Variants in RUFY1 observed in about 807,000 individuals in gnomAD.
The protein encoded by RUFY1 is RUN and FYVE domain containing 1, also known as RUN and FYVE domain-containing protein 1.
A neutral mutation model predicts 94.6 loss-of-function variants in RUFY1; 54 were observed. The ratio of observed to expected loss-of-function variants is 0.57; its 90% CI spans 0.46 to 0.72. The LOEUF is 0.72. Among genes scored for constraint, RUFY1 ranks in the 30% least tolerant of loss-of-function variants. The pLI is 0.00. For synonymous variants in RUFY1, 396 were observed against 347.3 expected, an observed-to-expected ratio of 1.14 and a Z score of -1.56; for missense variants, 883 against 883.9, an observed-to-expected ratio of 1.00 and a Z score of 0.01.
At chr5:179,609,280 C>G in intron 17 of RUFY1, 96 bp from the exon 18 acceptor site, 1 of 1,319,292 alleles carries the variant, frequency 7.6e-7, no homozygotes, top group Non-Finnish European at 1.1e-6. Flanking sequence ...AGAACCCATT[C>G]CCAGCAAATG....
chr5:179,559,517 G>T (rs1025721646), intron 1 of RUFY1, among the ~76,000 whole-genome samples: 1 of 152,212 alleles, frequency 6.6e-6, no homozygotes, highest in African/African-American at 2.4e-5. Flanking sequence ...TCTGGGCGGG[G>T]TGCGCATCCT....
At chr5:179,557,768 C>A (rs1452526637) in intron 1 of RUFY1, among the ~76,000 whole-genome samples, 1 of 151,792 alleles carries the variant, frequency 6.6e-6, no homozygotes. Context: ...TTTAGGACAC[C>A]CAAGCAGAGG....
intron 12 of RUFY1, among the ~76,000 whole-genome samples, chr5:179,595,295 C>G (rs1437567286): frequency 6.6e-6 from 1 of 151,924 alleles, no homozygotes; most frequent in African/African-American, 2.4e-5. Context: ...CCGGCTAAAA[C>G]GGTGAAACCC....
At chr5:179,607,259 G>A (rs4701140) in intron 16 of RUFY1, 206,562 of 361,834 alleles carry the variant, frequency 0.57, 60,545 homozygotes, top group East Asian at 0.78. Flanking sequence ...CCAGAAGCTC[G>A]CTCTGCTTAC....
In RUFY1 at chr5:179,550,701, G is replaced by A. The variant is rs1164021774; in HGVS notation, c.132G>A (p.Leu44=). Residue 44 remains leucine (L), a synonymous_variant, in exon 1 of 18, where the codon CTG becomes CTA. Coordinates refer to ENST00000319449, the MANE Select transcript of RUFY1 (RefSeq NM_025158.5). ...EEFEIVDRSQ[L]PGPGDLRSAT... ...TTGAGATCGTGGACCGAAGCCAGCT[G>A]CCCGGCCCAGGCGACCTGCGGAGCG... The A allele has an allele frequency of 2.0e-6, 3 of 1,493,536 alleles. No individual in the cohort carries two copies. The highest frequency in any genetic ancestry group is 1.8e-6 in the Non-Finnish European group (2 of 1,127,240). 92.5% of individuals were successfully genotyped at this position (1,493,536 alleles called of 1,614,324 possible).
chr5:179,564,225 T>G (rs1263942554), intron 3 of RUFY1, among the ~76,000 whole-genome samples: 1 of 150,674 alleles, frequency 6.6e-6, no homozygotes, highest in Admixed American at 6.6e-5. Context: ...GTTCCAGCGA[T>G]TCTCCTGCCT....
chr5:179,579,787 C>T (rs777160015), intron 6 of RUFY1, among the ~76,000 whole-genome samples: 14 of 150,666 alleles, frequency 9.3e-5, no homozygotes, highest in Non-Finnish European at 1.8e-4. Flanking sequence ...CTCAGCCTCC[C>T]TGAGTCGCTG....
chr5:179,580,247 T>TATATATATA (rs1186486577), intron 6 of RUFY1, among the ~76,000 whole-genome samples: 8,289 of 46,748 alleles, frequency 0.18, 744 homozygotes, highest in East Asian at 0.53. Context: ...GTGTGTATAT[T>TATATATATA]TTTTTTTTTT....
intron 1 of RUFY1, among the ~76,000 whole-genome samples, chr5:179,557,147 A>G (rs1762151067): frequency 6.6e-6 from 1 of 152,108 alleles, no homozygotes. Flanking sequence ...ATCAAGTGTG[A>G]GCCAGGCACG....
chr5:179,588,916 A>T (rs750103661), intron 8 of RUFY1, among the ~76,000 whole-genome samples: 2 of 151,958 alleles, frequency 1.3e-5, no homozygotes, highest in Non-Finnish European at 2.9e-5. Flanking sequence ...TTTTTTGTAG[A>T]GATGGGGTTT....
In RUFY1 at chr5:179,594,955, G is replaced by A. The variant is rs1467198849; in HGVS notation, c.1503G>A (p.Met501Ile). Reference protein sequence around the residue: ...TNQVMSSMKQMEERLQHSERA... With the variant: ...TNQVMSSMKQIEERLQHSERA... ...AAGTTATGTCCAGCATGAAACAAAT[G>A]GAAGAAAGGTAATCACTTCCCCCTG... The change falls in exon 12 of 18, where the codon ATG becomes ATA. Residue 501 changes from methionine to isoleucine, a missense_variant. By Grantham distance (10) the Met-to-Ile change is conservative (BLOSUM62 1). Coordinates refer to ENST00000319449, the MANE Select transcript of RUFY1 (RefSeq NM_025158.5). The A allele has an allele frequency of 1.1e-5, 17 of 1,604,714 alleles. No homozygotes were observed. Among genetic ancestry groups the A allele is most frequent in the East Asian group, 2.2e-5 (1 of 44,758 alleles).
At chr5:179,595,430 A>G (rs1765536449) in intron 12 of RUFY1, among the ~76,000 whole-genome samples, 1 of 152,230 alleles carries the variant, frequency 6.6e-6, no homozygotes, top group Non-Finnish European at 1.5e-5. Flanking sequence ...ACATATGGAC[A>G]GCAAAAAAGT....
rs368024396 is a variant in RUFY1 at position 179,567,587 on chromosome 5, A to G, written c.704+25A>G. On this transcript the variant is annotated intron_variant, in intron 4 of 17. Coordinates refer to ENST00000319449, the MANE Select transcript of RUFY1 (RefSeq NM_025158.5). ...GGTATTTCATCAACCATGTTTGCTT[A>G]TCTTTTGCTTGGTAAATAATTAGAA... 29 of 1,525,772 alleles carry G rather than the reference A, an allele frequency of 1.9e-5. No homozygotes were observed. The African/African-American group carries it at 3.8e-4, about 20-fold the overall frequency. The allele number at this position is 1,525,772 out of a possible 1,614,324, so 94.5% of individuals were successfully genotyped here. A position where few individuals can be genotyped will look rare whatever the true frequency, so the allele number is the denominator to read the frequency against.
intron 3 of RUFY1, among the ~76,000 whole-genome samples, chr5:179,563,987 A>T (rs551525089): frequency 1.3e-4 from 20 of 151,508 alleles, no homozygotes; most frequent in Admixed American, 2.6e-4. Flanking sequence ...GACCTTTTTC[A>T]TGAGCCTCTC....
At chr5:179,585,940 C>A (rs1379593000) in intron 8 of RUFY1, 75 bp downstream of exon 8, 2 of 1,181,240 alleles carry the variant, frequency 1.7e-6, no homozygotes, top group South Asian at 1.2e-5. Context: ...AGTCGGTCTG[C>A]GATAGCAGAG....
intron 1 of RUFY1, among the ~76,000 whole-genome samples, chr5:179,552,182 A>AAAACAC (rs1554113236): frequency 3.3e-5 from 5 of 149,846 alleles, no homozygotes; most frequent in African/African-American, 1.2e-4. Flanking sequence ...AAAAAAAAAA[A>AAAACAC]AAAAACTTGT....
At chr5:179,579,757 G>A (rs529363409) in intron 6 of RUFY1, among the ~76,000 whole-genome samples, 104 of 137,394 alleles carry the variant, frequency 7.6e-4, no homozygotes, top group Non-Finnish European at 1.2e-3. Flanking sequence ...TCTGCCTCCC[G>A]AGTTCAATCA....
chr5:179,567,132 T>G (rs1762888548), intron 3 of RUFY1, among the ~76,000 whole-genome samples: 1 of 152,248 alleles, frequency 6.6e-6, no homozygotes, highest in Admixed American at 6.5e-5. Context: ...GCTTCAGCAC[T>G]TTAACAAGCA....
At chr5:179,586,195 C>T (rs982949998) in intron 8 of RUFY1, 5 of 432,958 alleles carry the variant, frequency 1.2e-5, no homozygotes, top group East Asian at 1.1e-4. Flanking sequence ...CCCATGATGC[C>T]GTGTGCCTCC....
Sources: gnomAD v4.1 joint callset for allele counts (sites outside exome capture counted in the v4.1 genomes callset) on GRCh38, gnomAD v4.1.1 for gene constraint, MANE v1.5 for transcripts, NCBI Gene and HGNC (gene_info 2026-07-23, HGNC 2026-07-21) for gene names.